Variants in DIS3 observed in about 807,000 individuals in gnomAD.
The protein encoded by DIS3 is exosome complex exonuclease RRP44.
Under a neutral mutation model 113.0 loss-of-function variants are expected in DIS3, and 103 were observed. That is an observed-to-expected ratio of 0.91 (90% CI 0.78 to 1.07). DIS3 has a LOEUF of 1.07. DIS3 is among the 50% of genes least tolerant of loss of function. The probability of loss-of-function intolerance (pLI) is 0.00; values close to 1 mark genes in which losing one functional copy is unlikely to be tolerated. For missense variants in DIS3, 1,121 were observed against 1,167.1 expected, an observed-to-expected ratio of 0.96 and a Z score of 0.58; for synonymous variants, 402 against 394.3, an observed-to-expected ratio of 1.02 and a Z score of -0.23.
In DIS3 at chr13:72,761,435, C is replaced by T. The variant is rs2033620305; in HGVS notation, c.2598G>A (p.Lys866=). The change falls in exon 19 of 21, where the codon AAG becomes AAA. Residue 866 remains lysine, a synonymous_variant. Transcript: ENST00000377767. ...RKNAIVVLIP[K]YGLEGTVFFE... is the part of the protein sequence containing the mutation. ...AAAAGACTGTCCCTTCTAAACCATA[C>T]TTTGGAATTAATACCACAATGGCAT... is the stretch of plus-strand genomic sequence containing the variant. 1 of 1,611,984 alleles carries T rather than the reference C, an allele frequency of 6.2e-7. No individual in the cohort carries two copies. The highest frequency in any genetic ancestry group is 8.5e-7 in the Non-Finnish European group (1 of 1,179,452).
rs2138133936 is a variant in DIS3 at position 72,757,008 on chromosome 13, T to C, written c.*2787A>G. 1 of 152,312 alleles carries C rather than the reference T, an allele frequency of 6.6e-6. No homozygotes were observed. Among genetic ancestry groups the C allele is most frequent in the East Asian group, 1.9e-4 (1 of 5,190 alleles). The allele number at this position is 152,312 out of a possible 1,614,324, so 9.4% of individuals were successfully genotyped here. On this transcript the variant is annotated 3_prime_UTR_variant, in exon 21 of 21. Transcript: ENST00000377767. ...AAGTGATATATTCCACGTAACCTGC[T>C]TAGCATAAGAACTGGCACTAGAAAC...
intron 14 of DIS3, among the ~76,000 whole-genome samples, chr13:72,767,069 C>T (rs879529730): frequency 1.3e-5 from 2 of 152,124 alleles, no homozygotes; most frequent in African/African-American, 2.4e-5. Flanking sequence ...GCAAGGTATA[C>T]TTATCACATT....
chr13:72,755,660 A>G lies in DIS3; in HGVS notation c.*4135T>C. 1 of 386,670 alleles carries G rather than the reference A, an allele frequency of 2.6e-6. No individual in the cohort carries two copies. 24.0% of individuals were successfully genotyped at this position (386,670 alleles called of 1,614,324 possible). A position where few individuals can be genotyped will look rare whatever the true frequency, so the allele number is the denominator to read the frequency against. On this transcript the variant is annotated 3_prime_UTR_variant, in exon 21 of 21. Transcript: ENST00000377767. ...TATAACCTATGTGAAGAAATCTTAG[A>G]TATAAAACTAACTTTTCAAAGATAC...
intron 20 of DIS3, 24 bp downstream of exon 20, chr13:72,760,505 A>G: frequency 6.2e-7 from 1 of 1,613,140 alleles, no homozygotes; most frequent in Non-Finnish European, 8.5e-7. Context: ...CATCACAACA[A>G]GGAAATTTTA....
At chr13:72,772,928 T>C in intron 8 of DIS3, 89 bp from the exon 9 acceptor site, 1 of 1,373,508 alleles carries the variant, frequency 7.3e-7, no homozygotes, top group Non-Finnish European at 9.8e-7. Context: ...ACATATCTTC[T>C]CAGTATTCCT....
In DIS3 at chr13:72,772,258, T is replaced by G; in HGVS notation, c.1404A>C (p.Glu468Asp). The change falls in exon 10 of 21, where the codon GAA becomes GAC. Residue 468 changes from glutamate to aspartate, a missense_variant. Around this residue, in one of 3 missense-constraint regions of DIS3, gnomAD observed 861 missense variants for 915.5 expected, o/e 0.94. Coordinates refer to ENST00000377767, the MANE Select transcript of DIS3 (RefSeq NM_014953.5). The part of the protein sequence containing the change: ...SITEKDMKNR[E>D]DLRHLCICSV... Reference sequence around the variant, plus strand: ...TACAAATACACAGATGCCTCAGGTCTTCTCGGTTTTTCATGTCCTAGAAGA... The same window carrying G: ...TACAAATACACAGATGCCTCAGGTCGTCTCGGTTTTTCATGTCCTAGAAGA... 1 of 1,611,892 alleles carries G rather than the reference T, an allele frequency of 6.2e-7. No individual in the cohort carries two copies. Among genetic ancestry groups the G allele is most frequent in the Non-Finnish European group, 8.5e-7 (1 of 1,179,574 alleles).
Position 72,755,553 on chromosome 13 carries a change from G to C in DIS3, c.*4242C>G. 2.9e-6 allele frequency: 1 copy of C among 341,078 alleles called. No individual in the cohort carries two copies. Among genetic ancestry groups the C allele is most frequent in the Non-Finnish European group, 5.2e-6 (1 of 191,340 alleles). The allele number at this position is 341,078 out of a possible 1,614,324, so 21.1% of individuals were successfully genotyped here. On this transcript the variant is annotated 3_prime_UTR_variant, in exon 21 of 21. Transcript: ENST00000377767. ...AGCCTTACTGGTAGCACTGAATTTA[G>C]CAGTTCTGAGAACATGTGAAACTAT...
In DIS3 at chr13:72,754,130, CTT is replaced by C. The variant is rs1056155683; in HGVS notation, c.*5663_*5664del. ...AATTTCAGGCACTAGTCAGGACAGT[CTT>C]TAATTTTATGTGCCAATTTTTTTTG... On this transcript the variant is annotated 3_prime_UTR_variant, in exon 21 of 21. Coordinates refer to ENST00000377767, the MANE Select transcript of DIS3 (RefSeq NM_014953.5). 3 of 198,658 alleles carry C rather than the reference CTT, an allele frequency of 1.5e-5. No individual in the cohort carries two copies. The highest frequency in any genetic ancestry group is 7.0e-5 in the African/African-American group (3 of 42,740). 12.3% of individuals were successfully genotyped at this position (198,658 alleles called of 1,614,324 possible). A position where few individuals can be genotyped will look rare whatever the true frequency, so the allele number is the denominator to read the frequency against.
At chr13:72,780,806 T>C (rs1005953452) in intron 2 of DIS3, 40 bp downstream of exon 2, 2 of 1,558,464 alleles carry the variant, frequency 1.3e-6, no homozygotes, top group Non-Finnish European at 1.7e-6. Context: ...ATTTTGCTAA[T>C]CCTGTGGTTT....
Position 72,772,727 on chromosome 13 carries a change from A to G in DIS3, c.1352T>C (p.Phe451Ser), listed in dbSNP as rs775460291. The G allele has an allele frequency of 1.7e-5, 27 of 1,612,134 alleles. No homozygotes were observed. The East Asian group carries it at 5.8e-4, about 35-fold the overall frequency. ...AATGCTCCAGGGCATCTTTGGCAGA[A>G]AACTAAGAACAGCCTGTGAAAAAGG... Reference protein sequence around the residue: ...HQPFSQAVLSFLPKMPWSITE... With the variant: ...HQPFSQAVLSSLPKMPWSITE... The change falls in exon 9 of 21, where the codon TTT becomes TCT. Residue 451 changes from phenylalanine to serine, a missense_variant. This residue lies in a region of DIS3 where 861 missense variants were observed against 915.5 expected (regional missense o/e 0.94). Coordinates refer to ENST00000377767, the MANE Select transcript of DIS3 (RefSeq NM_014953.5).
At chr13:72,781,489 C>A (rs2034219273) in intron 1 of DIS3, 116 bp downstream of exon 1, 57 of 1,428,534 alleles carry the variant, frequency 4.0e-5, no homozygotes, top group Non-Finnish European at 5.2e-5. Flanking sequence ...GAGGGGGTTT[C>A]CCTTTCGCTA....
chr13:72,764,466 T>C (rs568197501), intron 15 of DIS3, among the ~76,000 whole-genome samples: 28 of 152,264 alleles, frequency 1.8e-4, no homozygotes, highest in African/African-American at 5.8e-4. Context: ...AAACTCTGTT[T>C]TACAGATGAG....
At position 72,775,213 on chromosome 13, in the gene DIS3, T is replaced by C. The variant is rs2033979249; in HGVS notation, c.985A>G (p.Met329Val). Reference protein sequence around the residue: ...DVEKEEETERMLKTAVSEKML... With the variant: ...DVEKEEETERVLKTAVSEKML... Reference sequence around the variant, plus strand: ...AAAAATCCTGCTTAGATTCATACCATTCGTTCTGTCTCTTCTTCTTTCTCC... The same window carrying C: ...AAAAATCCTGCTTAGATTCATACCACTCGTTCTGTCTCTTCTTCTTTCTCC... The change falls in exon 6 of 21, where the codon ATG becomes GTG. Residue 329 changes from methionine (M) to valine (V), a missense_variant and splice_region_variant. Physicochemically the swap from Met to Val is conservative, Grantham distance 21. Around this residue, in one of 3 missense-constraint regions of DIS3, gnomAD observed 861 missense variants for 915.5 expected, o/e 0.94. Coordinates refer to ENST00000377767, the MANE Select transcript of DIS3 (RefSeq NM_014953.5). The C allele has an allele frequency of 1.9e-6, 3 of 1,611,466 alleles. No homozygotes were observed. The highest frequency in any genetic ancestry group is 1.7e-5 in the Admixed American group (1 of 59,572).
At chr13:72,776,134 C>G in intron 4 of DIS3, 42 bp from the exon 5 acceptor site, 1 of 1,548,836 alleles carries the variant, frequency 6.5e-7, no homozygotes, top group Non-Finnish European at 8.7e-7. Context: ...AATAAGTCTT[C>G]TGTTCACTCA....
intron 19 of DIS3, 21 bp from the exon 20 acceptor site, chr13:72,760,672 C>A: frequency 6.2e-7 from 1 of 1,608,050 alleles, no homozygotes; most frequent in South Asian, 1.1e-5. Context: ...CACATTTTAT[C>A]ATTCTTAATT....
chr13:72,774,101 G>C (rs1346725528), intron 6 of DIS3, 42 bp from the exon 7 acceptor site: 1 of 1,348,354 alleles, frequency 7.4e-7, no homozygotes, highest in East Asian at 2.3e-5. Flanking sequence ...ATTCCTCTAA[G>C]TATTATCAGG....
rs1037301287 is a variant in DIS3 at position 72,781,884 on chromosome 13, G to T, written c.-52C>A. 6 of 1,465,156 alleles carry T rather than the reference G, an allele frequency of 4.1e-6. No homozygotes were observed. The highest frequency in any genetic ancestry group is 5.5e-6 in the Non-Finnish European group (6 of 1,095,874). The allele number at this position is 1,465,156 out of a possible 1,614,324, so 90.8% of individuals were successfully genotyped here. ...CCCAGCAGCGCTCTTCCAGCAAAAGGCGTCAATCTAGAATACGCCTAACCC... is the reference window on the plus strand; with the variant it reads ...CCCAGCAGCGCTCTTCCAGCAAAAGTCGTCAATCTAGAATACGCCTAACCC... On this transcript the variant is annotated 5_prime_UTR_variant, in exon 1 of 21. Coordinates refer to ENST00000377767, the MANE Select transcript of DIS3 (RefSeq NM_014953.5).
rs996908200 is a variant in DIS3 at position 72,766,373 on chromosome 13, T to G, written c.1884-315A>C. Among the ~76,000 whole-genome samples, 33 of 152,242 alleles carry G rather than the reference T, an allele frequency of 2.2e-4. 1 individual carries two copies. Among genetic ancestry groups the G allele is most frequent in the Middle Eastern group, 3.4e-3 (1 of 294 alleles). ...ATGAGTTTTTATTGAGCTACACAGG[T>G]TTTTAATCACTTTTACAAATAAAGA... On this transcript the variant is annotated intron_variant, in intron 14 of 20. Transcript: ENST00000377767.
At position 72,758,557 on chromosome 13, in the gene DIS3, ACT is replaced by A. The variant is rs2033550777; in HGVS notation, c.*1236_*1237del. 4.6e-6 allele frequency: 1 copy of A among 218,066 alleles called. No homozygotes were observed. The highest frequency in any genetic ancestry group is 9.2e-6 in the Non-Finnish European group (1 of 108,482). The allele number at this position is 218,066 out of a possible 1,614,324, so 13.5% of individuals were successfully genotyped here. A position where few individuals can be genotyped will look rare whatever the true frequency, so the allele number is the denominator to read the frequency against. ...GAAAAGGTTTTTTGACTCCTACTCTACTGTTTCAGTGTCACTGACCCATTTTA... is the reference window on the plus strand; with the variant it reads ...GAAAAGGTTTTTTGACTCCTACTCTAGTTTCAGTGTCACTGACCCATTTTA... On this transcript the variant is annotated 3_prime_UTR_variant, in exon 21 of 21. Transcript: ENST00000377767.
Sources: allele counts gnomAD v4.1 joint callset (sites outside exome capture counted in the v4.1 genomes callset), GRCh38; gene constraint gnomAD v4.1.1; regional missense constraint gnomAD v4.1.1; transcripts MANE v1.5; gene names NCBI Gene and HGNC (gene_info 2026-07-23, HGNC 2026-07-21).